SOX17: variants seen among roughly 807,000 people sequenced by gnomAD.
The protein encoded by SOX17 is SRY-box transcription factor 17.
Under a neutral mutation model 16.0 loss-of-function variants are expected in SOX17, and 4 were observed. That is an observed-to-expected ratio of 0.25 (90% CI 0.12 to 0.57). The LOEUF (loss-of-function observed/expected upper bound fraction) is 0.57. Among genes scored for constraint, SOX17 ranks in the 20% least tolerant of loss-of-function variants. The pLI is 0.92. For synonymous variants in SOX17, 357 were observed against 284.6 expected, an observed-to-expected ratio of 1.25 and a Z score of -2.56; for missense variants, 633 against 609.7, an observed-to-expected ratio of 1.04 and a Z score of -0.40.
intron 1 of SOX17, 73 bp downstream of exon 1, chr8:54,458,518 A>C: frequency 1.3e-6 from 2 of 1,533,620 alleles, no homozygotes; most frequent in Non-Finnish European, 1.8e-6. Context: ...TTAAACCCCA[A>C]ACTGTTCTTT....
intron 1 of SOX17, among the ~76,000 whole-genome samples, 190 bp from the exon 2 acceptor site, chr8:54,458,868 G>T (rs147964236): frequency 6.6e-6 from 1 of 152,358 alleles, no homozygotes; most frequent in Non-Finnish European, 1.5e-5. Flanking sequence ...AGAAAGGGGT[G>T]CCTTTAGAGG....
At position 54,459,383 on chromosome 8, in the gene SOX17, G is replaced by A. The variant is rs781681343; in HGVS notation, c.633G>A (p.Ala211=). Reference sequence around the variant, plus strand: ...ACCGCGACTGCCAGAGTCTGGGCGCGCCTCCGCTCGACGGCTACCCGTTGC... The same window carrying A: ...ACCGCGACTGCCAGAGTCTGGGCGCACCTCCGCTCGACGGCTACCCGTTGC... The part of the protein sequence containing the change: ...GHYRDCQSLG[A]PPLDGYPLPT... Residue 211 remains alanine, a synonymous_variant, in exon 2 of 2, where the codon GCG becomes GCA. Coordinates refer to ENST00000297316, the MANE Select transcript of SOX17 (RefSeq NM_022454.4). 3 of 1,556,682 alleles carry A rather than the reference G, an allele frequency of 1.9e-6. No individual in the cohort carries two copies. Among genetic ancestry groups the A allele is most frequent in the East Asian group, 2.5e-5 (1 of 40,360 alleles).
Position 54,459,339 on chromosome 8 carries a change from C to G in SOX17, c.589C>G (p.Pro197Ala). 6.5e-7 allele frequency: 1 copy of G among 1,549,032 alleles called. No homozygotes were observed. Among genetic ancestry groups the G allele is most frequent in the Non-Finnish European group, 8.6e-7 (1 of 1,158,610 alleles). Residue 197 changes from proline to alanine, a missense_variant, in exon 2 of 2, where the codon CCG becomes GCG. By Grantham distance (27) the Pro-to-Ala change is conservative. This residue lies in a region of SOX17 where 479 missense variants were observed against 397.2 expected (regional missense o/e 1.21). Transcript: ENST00000297316. ...CCCCGCCGGCCCGCCGCTGCTGCCT[C>G]CGCACATGGGCGGCCACTACCGCGA... The part of the protein sequence containing the change: ...GFPAGPPLLP[P>A]HMGGHYRDCQ...
chr8:54,458,906 A>T (rs956442559), intron 1 of SOX17, 152 bp from the exon 2 acceptor site: 5 of 671,714 alleles, frequency 7.4e-6, no homozygotes, highest in Non-Finnish European at 1.2e-5. Context: ...GCTCGGACTC[A>T]GGAGTCCCAG....
rs773047291 is a variant in SOX17 at position 54,459,516 on chromosome 8, G to A, written c.766G>A (p.Val256Ile). 1 of 1,529,388 alleles carries A rather than the reference G, an allele frequency of 6.5e-7. No individual in the cohort carries two copies. The highest frequency in any genetic ancestry group is 1.2e-5 in the South Asian group (1 of 83,516). 94.7% of individuals were successfully genotyped at this position (1,529,388 alleles called of 1,614,324 possible). The change falls in exon 2 of 2, where the codon GTC (valine) becomes ATC (isoleucine). Residue 256 changes from valine to isoleucine, a missense_variant. Transcript: ENST00000297316. ...GGCCGGCACCTACAGCTACGCGCAG[G>A]TCTCGGACTACGCTGGCCCCCCGGA... The part of the protein sequence containing the change: ...PAAGTYSYAQ[V>I]SDYAGPPEPP...
rs950472013 is a variant in SOX17 at position 54,460,863 on chromosome 8, AAAT to A, written c.*871_*873del. 9.1e-6 allele frequency: 2 copies of A among 219,316 alleles called. No homozygotes were observed. Among genetic ancestry groups the A allele is most frequent in the Non-Finnish European group, 1.8e-5 (2 of 109,454 alleles). The allele number at this position is 219,316 out of a possible 1,614,324, so 13.6% of individuals were successfully genotyped here. On this transcript the variant is annotated 3_prime_UTR_variant, in exon 2 of 2. Coordinates refer to ENST00000297316, the MANE Select transcript of SOX17 (RefSeq NM_022454.4). ...ATAAAGGAGTCACAAAAACTAATCA[AAAT>A]AAAATTTGCATTATGACAACTTTTA...
chr8:54,458,587 G>A, intron 1 of SOX17, 142 bp downstream of exon 1: 1 of 1,051,002 alleles, frequency 9.5e-7, no homozygotes, highest in Non-Finnish European at 1.4e-6. Context: ...TTAAGGCTCT[G>A]GGTTCCCTTC....
In SOX17 at chr8:54,460,024, G is replaced by T; in HGVS notation, c.*29G>T. 1 of 1,610,942 alleles carries T rather than the reference G, an allele frequency of 6.2e-7. No homozygotes were observed. The highest frequency in any genetic ancestry group is 1.3e-5 in the African/African-American group (1 of 75,030). On this transcript the variant is annotated 3_prime_UTR_variant, in exon 2 of 2. Transcript: ENST00000297316. ...GTCCCTGATCCGCCCCAGCCTGCAGGCCAGAAGCAGTGTTACACACTTCCT... is the reference window on the plus strand; with the variant it reads ...GTCCCTGATCCGCCCCAGCCTGCAGTCCAGAAGCAGTGTTACACACTTCCT...
chr8:54,459,043 C>A lies in SOX17; in HGVS notation c.308-15C>A, dbSNP rs2129277975. The A allele has an allele frequency of 3.1e-6, 5 of 1,589,428 alleles. No homozygotes were observed. Among genetic ancestry groups the A allele is most frequent in the Non-Finnish European group, 4.3e-6 (5 of 1,169,000 alleles). ...TAAGCCCTGCGCCCCTCTCCCCCTT[C>A]CTTCCACTGTGCAGGCAAGTCGTGG... On this transcript the variant is annotated splice_polypyrimidine_tract_variant and intron_variant, in intron 1 of 1. Coordinates refer to ENST00000297316, the MANE Select transcript of SOX17 (RefSeq NM_022454.4).
At position 54,459,910 on chromosome 8, in the gene SOX17, A is replaced by T. The variant is rs1354734867; in HGVS notation, c.1160A>T (p.Asn387Ile). ...LPYQGHDSGV[N>I]LPDSHGAISS... The stretch of plus-strand genomic sequence containing the variant: ...TACCAGGGGCATGACTCCGGTGTGA[A>T]TCTCCCCGACAGCCACGGGGCCATT... The change falls in exon 2 of 2, where the codon AAT becomes ATT. Residue 387 changes from asparagine to isoleucine, a missense_variant. By Grantham distance (149) the Asn-to-Ile change is moderately radical. This residue lies in a region of SOX17 where 479 missense variants were observed against 397.2 expected (regional missense o/e 1.21). Transcript: ENST00000297316. 3 of 1,613,740 alleles carry T rather than the reference A, an allele frequency of 1.9e-6. No individual in the cohort carries two copies. The highest frequency in any genetic ancestry group is 1.1e-5 in the South Asian group (1 of 91,062).
At position 54,459,199 on chromosome 8, in the gene SOX17, G is replaced by T. The variant is rs1804689547; in HGVS notation, c.449G>T (p.Arg150Leu). 1 of 1,590,578 alleles carries T rather than the reference G, an allele frequency of 6.3e-7. No homozygotes were observed. The highest frequency in any genetic ancestry group is 8.5e-7 in the Non-Finnish European group (1 of 1,170,426). ...RRRKQVKRLK[R>L]VEGGFLHGLA... ...CGCAAGCAGGTGAAGCGGCTGAAGCGGGTGGAGGGCGGCTTCCTGCACGGC... is the reference window on the plus strand; with the variant it reads ...CGCAAGCAGGTGAAGCGGCTGAAGCTGGTGGAGGGCGGCTTCCTGCACGGC... Residue 150 changes from arginine (R) to leucine (L), a missense_variant, in exon 2 of 2, where the codon CGG becomes CTG. Arg to Leu is a moderately radical substitution (Grantham distance 102). This residue lies in a region of SOX17 where 479 missense variants were observed against 397.2 expected (regional missense o/e 1.21). Transcript: ENST00000297316.
chr8:54,458,593 C>CCTTCCCG (rs1804675927), intron 1 of SOX17, 148 bp downstream of exon 1: 1 of 992,198 alleles, frequency 1.0e-6, no homozygotes, highest in Non-Finnish European at 1.5e-6. Flanking sequence ...CTCTGGGTTC[C>CCTTCCCG]CTTCCCGCTT....
At position 54,458,016 on chromosome 8, in the gene SOX17, G is replaced by T; in HGVS notation, c.-123G>T. 8.3e-7 allele frequency: 1 copy of T among 1,205,924 alleles called. No individual in the cohort carries two copies. The highest frequency in any genetic ancestry group is 1.1e-6 in the Non-Finnish European group (1 of 908,844). The allele number at this position is 1,205,924 out of a possible 1,614,324, so 74.7% of individuals were successfully genotyped here. On this transcript the variant is annotated 5_prime_UTR_variant, in exon 1 of 2. Transcript: ENST00000297316. ...GGCCAGAACACGGGCGGCGGCTTCG[G>T]GCCGGGAGACCCGCGCAGCCCTCGG...
At position 54,459,828 on chromosome 8, in the gene SOX17, C is replaced by A. The variant is rs1437921769; in HGVS notation, c.1078C>A (p.Arg360Ser). Residue 360 changes from arginine to serine, a missense_variant, in exon 2 of 2, where the codon CGC becomes AGC. Around this residue, in one of 5 missense-constraint regions of SOX17, gnomAD observed 479 missense variants for 397.2 expected, o/e 1.21. Transcript: ENST00000297316. ...QPAELLGEVDRTEFEQYLHFV... is the reference protein window; with the variant it reads ...QPAELLGEVDSTEFEQYLHFV... ...CGCCGAGCTCCTCGGGGAGGTGGACCGCACGGAATTTGAACAGTATCTGCA... is the reference window on the plus strand; with the variant it reads ...CGCCGAGCTCCTCGGGGAGGTGGACAGCACGGAATTTGAACAGTATCTGCA... The A allele has an allele frequency of 1.2e-6, 2 of 1,613,232 alleles. No homozygotes were observed. Among genetic ancestry groups the A allele is most frequent in the Admixed American group, 1.7e-5 (1 of 59,982 alleles).
Position 54,459,388 on chromosome 8 carries a change from C to G in SOX17, c.638C>G (p.Pro213Arg). Residue 213 changes from proline to arginine, a missense_variant, in exon 2 of 2, where the codon CCG becomes CGG. By Grantham distance (103) the Pro-to-Arg change is moderately radical. Around this residue, in one of 5 missense-constraint regions of SOX17, gnomAD observed 479 missense variants for 397.2 expected, o/e 1.21. Transcript: ENST00000297316. ...GACTGCCAGAGTCTGGGCGCGCCTCCGCTCGACGGCTACCCGTTGCCCACG... is the reference window on the plus strand; with the variant it reads ...GACTGCCAGAGTCTGGGCGCGCCTCGGCTCGACGGCTACCCGTTGCCCACG... ...YRDCQSLGAP[P>R]LDGYPLPTPD... is the part of the protein sequence containing the mutation. 3.2e-6 allele frequency: 5 copies of G among 1,557,450 alleles called. No individual in the cohort carries two copies. Among genetic ancestry groups the G allele is most frequent in the Non-Finnish European group, 4.3e-6 (5 of 1,162,398 alleles).
At position 54,459,385 on chromosome 8, in the gene SOX17, C is replaced by T. The variant is rs1405117595; in HGVS notation, c.635C>T (p.Pro212Leu). ...CGCGACTGCCAGAGTCTGGGCGCGC[C>T]TCCGCTCGACGGCTACCCGTTGCCC... ...HYRDCQSLGA[P>L]PLDGYPLPTP... is the part of the protein sequence containing the mutation. Residue 212 changes from proline (P) to leucine (L), a missense_variant, in exon 2 of 2, where the codon CCT becomes CTT. Around this residue, in one of 5 missense-constraint regions of SOX17, gnomAD observed 479 missense variants for 397.2 expected, o/e 1.21. Transcript: ENST00000297316. 4 of 1,558,116 alleles carry T rather than the reference C, an allele frequency of 2.6e-6. No homozygotes were observed. Among genetic ancestry groups the T allele is most frequent in the Non-Finnish European group, 3.4e-6 (4 of 1,162,742 alleles).
In SOX17 at chr8:54,459,091, A is replaced by G. The variant is rs2129278013; in HGVS notation, c.341A>G (p.Lys114Arg). 1 of 1,608,432 alleles carries G rather than the reference A, an allele frequency of 6.2e-7. No homozygotes were observed. Among genetic ancestry groups the G allele is most frequent in the Non-Finnish European group, 8.5e-7 (1 of 1,177,984 alleles). Reference protein sequence around the residue: ...KSWKALTLAEKRPFVEEAERL... With the variant: ...KSWKALTLAERRPFVEEAERL... ...TGGAAGGCGCTGACGCTGGCGGAGA[A>G]GCGGCCCTTCGTGGAGGAGGCAGAG... Residue 114 changes from lysine to arginine, a missense_variant, in exon 2 of 2, where the codon AAG (lysine) becomes AGG (arginine). Physicochemically the swap from Lys to Arg is conservative, Grantham distance 26. Around this residue, in one of 5 missense-constraint regions of SOX17, gnomAD observed 39 missense variants for 46.5 expected, o/e 0.84. Coordinates refer to ENST00000297316, the MANE Select transcript of SOX17 (RefSeq NM_022454.4).
In SOX17 at chr8:54,459,698, A is replaced by C; in HGVS notation, c.948A>C (p.Gln316His). The change falls in exon 2 of 2, where the codon CAA (glutamine) becomes CAC (histidine). Residue 316 changes from glutamine to histidine, a missense_variant. Coordinates refer to ENST00000297316, the MANE Select transcript of SOX17 (RefSeq NM_022454.4). ...GGGRGFQMQP[Q>H]HQHQHQHQHH... Reference sequence around the variant, plus strand: ...GGCGCGGCTTCCAGATGCAGCCGCAACACCAGCACCAGCACCAGCACCAGC... The same window carrying C: ...GGCGCGGCTTCCAGATGCAGCCGCACCACCAGCACCAGCACCAGCACCAGC... The C allele has an allele frequency of 1.9e-6, 3 of 1,543,376 alleles. No individual in the cohort carries two copies. In the South Asian group the frequency reaches 3.5e-5, roughly 18 times the overall value.
rs1022370554 is a variant in SOX17 at position 54,460,429 on chromosome 8, G to A, written c.*434G>A. ...AGTCTTATCAAAAACCAGTTCTTAA[G>A]ATCAATGTTAAGTTTATTAGTTAAT... On this transcript the variant is annotated 3_prime_UTR_variant, in exon 2 of 2. Transcript: ENST00000297316. The A allele has an allele frequency of 3.5e-6, 1 of 283,202 alleles. No individual in the cohort carries two copies. The highest frequency in any genetic ancestry group is 2.2e-5 in the African/African-American group (1 of 46,244). 17.5% of individuals were successfully genotyped at this position (283,202 alleles called of 1,614,324 possible).
Sources: allele counts gnomAD v4.1 joint callset (sites outside exome capture counted in the v4.1 genomes callset), GRCh38; gene constraint gnomAD v4.1.1; regional missense constraint gnomAD v4.1.1; transcripts MANE v1.5; gene names NCBI Gene and HGNC (gene_info 2026-07-23, HGNC 2026-07-21).